The following SPAST variants were observed in gnomAD, a reference collection of about 807,000 sequenced individuals.
SPAST encodes the protein spastic paraplegia 4 (autosomal dominant; spastin).
SPAST carries 30 observed loss-of-function variants against 76.6 expected under a neutral mutation model. The ratio of observed to expected loss-of-function variants is 0.39; its 90% CI spans 0.29 to 0.53. The LOEUF (loss-of-function observed/expected upper bound fraction) is 0.53. Among genes scored for constraint, SPAST ranks in the 20% least tolerant of loss-of-function variants. SPAST has a pLI of 0.68. For missense variants in SPAST, 717 were observed against 770.5 expected, an observed-to-expected ratio of 0.93 and a Z score of 0.82; for synonymous variants, 305 against 281.0, an observed-to-expected ratio of 1.09 and a Z score of -0.86.
In SPAST at chr2:32,154,637, A is replaced by G; in HGVS notation, c.*141A>G. ...ACATATTTGTGCACCAAACTTGAAG[A>G]TGAACCAGAAAACAGACTTAAACAA... On this transcript the variant is annotated 3_prime_UTR_variant, in exon 17 of 17. Coordinates refer to ENST00000315285, the MANE Select transcript of SPAST (RefSeq NM_014946.4). 1.2e-6 allele frequency: 1 copy of G among 844,980 alleles called. No homozygotes were observed. The highest frequency in any genetic ancestry group is 2.6e-5 in the East Asian group (1 of 38,914). 52.3% of individuals were successfully genotyped at this position (844,980 alleles called of 1,614,324 possible).
chr2:32,093,310 CAAAAAAAAA>C (rs34291087), intron 3 of SPAST, among the ~76,000 whole-genome samples: 71 of 62,184 alleles, frequency 1.1e-3, no homozygotes, highest in Admixed American at 5.4e-3. Flanking sequence ...GACTCCGTCT[CAAAAAAAAA>C]AAAAAAAAAA....
At chr2:32,103,071 A>G (rs1008322071) in intron 4 of SPAST, among the ~76,000 whole-genome samples, 1 of 152,188 alleles carries the variant, frequency 6.6e-6, no homozygotes, top group Non-Finnish European at 1.5e-5. Context: ...CTCTGGTAGA[A>G]TTCAGCTGTG....
chr2:32,064,061 G>C lies in SPAST; in HGVS notation c.230G>C (p.Trp77Ser). 2 of 1,613,042 alleles carry C rather than the reference G, an allele frequency of 1.2e-6. No homozygotes were observed. Among genetic ancestry groups the C allele is most frequent in the Non-Finnish European group, 1.7e-6 (2 of 1,179,424 alleles). ...TTCCACCTGGGGCTCCTCTTCGTGT[G>C]GCTCTGCCAGCGCTTCTCCCGCGCC... Reference protein sequence around the residue: ...VAFHLGLLFVWLCQRFSRALM... With the variant: ...VAFHLGLLFVSLCQRFSRALM... Residue 77 changes from tryptophan to serine, a missense_variant, in exon 1 of 17, where the codon TGG (tryptophan) becomes TCG (serine). Trp to Ser is a radical substitution (Grantham distance 177). Coordinates refer to ENST00000315285, the MANE Select transcript of SPAST (RefSeq NM_014946.4).
intron 1 of SPAST, among the ~76,000 whole-genome samples, chr2:32,081,610 C>G (rs1207549025): frequency 6.6e-6 from 1 of 151,494 alleles, no homozygotes. Flanking sequence ...ATGGTGAAAC[C>G]CCGTCTCTAC....
intron 1 of SPAST, among the ~76,000 whole-genome samples, chr2:32,086,753 G>T (rs1341878495): frequency 6.7e-6 from 1 of 150,250 alleles, no homozygotes; most frequent in African/African-American, 2.5e-5. Flanking sequence ...GCAAGACTCT[G>T]TCTCAAAAAA....
At chr2:32,087,853 A>ACT (rs1677554379) in intron 2 of SPAST, among the ~76,000 whole-genome samples, 1 of 137,330 alleles carries the variant, frequency 7.3e-6, no homozygotes, top group Non-Finnish European at 1.6e-5. Context: ...ACACTACCAT[A>ACT]CTTAGCTAAT....
At chr2:32,084,535 A>G (rs1472407594) in intron 1 of SPAST, among the ~76,000 whole-genome samples, 1 of 152,020 alleles carries the variant, frequency 6.6e-6, no homozygotes, top group East Asian at 1.9e-4. Context: ...GAAAAATGTT[A>G]CAGCATTGTT....
rs961701450 is a variant in SPAST at position 32,124,735 on chromosome 2, A to G, written c.1099-2213A>G. Among the ~76,000 whole-genome samples the G allele has an allele frequency of 9.2e-5, 14 of 152,346 alleles. No homozygotes were observed. The East Asian group carries it at 2.7e-3, about 29-fold the overall frequency. On this transcript the variant is annotated intron_variant, in intron 7 of 16. Transcript: ENST00000315285. Reference sequence around the variant, plus strand: ...ATAAAAAGAAATGATCTATCAAGCCACAAAAATATATGGAGGAACCATAAA... The same window carrying G: ...ATAAAAAGAAATGATCTATCAAGCCGCAAAAATATATGGAGGAACCATAAA...
rs1260293096 is a variant in SPAST at position 32,154,839 on chromosome 2, A to G, written c.*343A>G. 1 of 248,452 alleles carries G rather than the reference A, an allele frequency of 4.0e-6. No individual in the cohort carries two copies. The highest frequency in any genetic ancestry group is 8.0e-6 in the Non-Finnish European group (1 of 125,068). 15.4% of individuals were successfully genotyped at this position (248,452 alleles called of 1,614,324 possible). A position where few individuals can be genotyped will look rare whatever the true frequency, so the allele number is the denominator to read the frequency against. On this transcript the variant is annotated 3_prime_UTR_variant, in exon 17 of 17. Transcript: ENST00000315285. ...TGTTGCAGATGAAAGTATTCCAGGA[A>G]CAGTGAATGGTAGAAGACACAAGAA... is the stretch of plus-strand genomic sequence containing the variant.
rs944998162 is a variant in SPAST at position 32,064,396 on chromosome 2, C to T, written c.415+150C>T. ...CCCGGGAGACTGCTTTCCCGTAGGTCGGAGCCTCATCTTCTAGTATTCTTA... is the reference window on the plus strand; with the variant it reads ...CCCGGGAGACTGCTTTCCCGTAGGTTGGAGCCTCATCTTCTAGTATTCTTA... On this transcript the variant is annotated intron_variant, in intron 1 of 16. Coordinates refer to ENST00000315285, the MANE Select transcript of SPAST (RefSeq NM_014946.4). The T allele has an allele frequency of 1.5e-5, 11 of 719,462 alleles. No individual in the cohort carries two copies. In the Middle Eastern group the frequency reaches 1.6e-3, roughly 104 times the overall value. 44.6% of individuals were successfully genotyped at this position (719,462 alleles called of 1,614,324 possible). A position where few individuals can be genotyped will look rare whatever the true frequency, so the allele number is the denominator to read the frequency against.
chr2:32,106,252 C>A (rs1264820339), intron 4 of SPAST, among the ~76,000 whole-genome samples: 1 of 152,144 alleles, frequency 6.6e-6, no homozygotes, highest in African/African-American at 2.4e-5. Context: ...GGCATGGGAC[C>A]CTCTGAGCCA....
chr2:32,126,938 T>C lies in SPAST; in HGVS notation c.1099-10T>C. On this transcript the variant is annotated splice_polypyrimidine_tract_variant and intron_variant, in intron 7 of 16. Coordinates refer to ENST00000315285, the MANE Select transcript of SPAST (RefSeq NM_014946.4). ...AATCATAGTTGTAAACTAAAGTATA[T>C]ATTTTTTAGTTGTTCACAGGGCTTA... 2.5e-6 allele frequency: 4 copies of C among 1,586,882 alleles called. No individual in the cohort carries two copies. Among genetic ancestry groups the C allele is most frequent in the Non-Finnish European group, 3.5e-6 (4 of 1,155,390 alleles).
At chr2:32,112,014 T>TA (rs1678633018) in intron 4 of SPAST, among the ~76,000 whole-genome samples, 1 of 125,156 alleles carries the variant, frequency 8.0e-6, no homozygotes, top group African/African-American at 3.1e-5. Flanking sequence ...TAGTAGTAGT[T>TA]TTTTTTTTTT....
At chr2:32,104,591 G>A (rs1446543846) in intron 4 of SPAST, among the ~76,000 whole-genome samples, 3 of 152,092 alleles carry the variant, frequency 2.0e-5, no homozygotes, top group African/African-American at 2.4e-5. Context: ...GGCTTGTACC[G>A]GTTGTTCATT....
chr2:32,146,851 C>CAAAAAAAAAAAAAAAA (rs397984237), intron 15 of SPAST, among the ~76,000 whole-genome samples: 1 of 19,238 alleles, frequency 5.2e-5, no homozygotes, highest in Non-Finnish European at 1.1e-4. Context: ...GACTCTGTCT[C>CAAAAAAAAAAAAAAAA]AAAAAAAAAA....
intron 1 of SPAST, among the ~76,000 whole-genome samples, chr2:32,070,040 T>C (rs1391231523): frequency 6.6e-6 from 1 of 150,790 alleles, no homozygotes; most frequent in African/African-American, 2.4e-5. Context: ...CTGAATTTTA[T>C]TCTTATGGCA....
In SPAST at chr2:32,154,557, A is replaced by G. The variant is rs1237863801; in HGVS notation, c.*61A>G. ...TAAAAGAGGAAACACAAGATCTTCA[A>G]TGAACGTCATCGGCTACAGAAACAG... On this transcript the variant is annotated 3_prime_UTR_variant, in exon 17 of 17. Transcript: ENST00000315285. 1.9e-6 allele frequency: 3 copies of G among 1,543,382 alleles called. No individual in the cohort carries two copies. The highest frequency in any genetic ancestry group is 1.7e-5 in the Admixed American group (1 of 59,876).
At chr2:32,085,417 A>T (rs889451756) in intron 1 of SPAST, among the ~76,000 whole-genome samples, 1 of 152,114 alleles carries the variant, frequency 6.6e-6, no homozygotes, top group East Asian at 1.9e-4. Flanking sequence ...AAATCTCACC[A>T]TGTTGCCCAA....
Position 32,064,175 on chromosome 2 carries a change from G to A in SPAST, c.344G>A (p.Arg115His). ...CCGGTGCCGGGCGGCGAGGCCGAGC[G>A]CGTCCGAGTCTTCCACAAACAGGCC... Reference protein sequence around the residue: ...PAPVPGGEAERVRVFHKQAFE... With the variant: ...PAPVPGGEAEHVRVFHKQAFE... Residue 115 changes from arginine to histidine, a missense_variant, in exon 1 of 17, where the codon CGC becomes CAC. Physicochemically the swap from Arg to His is conservative, Grantham distance 29. Around this residue, in one of 3 missense-constraint regions of SPAST, gnomAD observed 543 missense variants for 445.2 expected, o/e 1.22. Transcript: ENST00000315285. The A allele has an allele frequency of 6.4e-7, 1 of 1,551,524 alleles. No homozygotes were observed.
Sources: allele counts gnomAD v4.1 joint callset (sites outside exome capture counted in the v4.1 genomes callset), GRCh38; gene constraint gnomAD v4.1.1; regional missense constraint gnomAD v4.1.1; transcripts MANE v1.5; gene names NCBI Gene and HGNC (gene_info 2026-07-23, HGNC 2026-07-21).